Variants in AFF3 observed in about 807,000 individuals in gnomAD.
The protein encoded by AFF3 is AF4/FMR2 family member 3.
In AFF3, 32 loss-of-function variants were observed where a neutral mutation model predicts 129.7. The ratio of observed to expected loss-of-function variants is 0.25; its 90% CI spans 0.19 to 0.33. The LOEUF (loss-of-function observed/expected upper bound fraction) is 0.33. Among genes scored for constraint, AFF3 ranks in the 10% least tolerant of loss-of-function variants. The pLI, the probability that AFF3 is intolerant of heterozygous loss-of-function variation, is 1.00. For missense variants in AFF3, 1,373 were observed against 1,592.0 expected, an observed-to-expected ratio of 0.86 and a Z score of 2.34; for synonymous variants, 644 against 635.4, an observed-to-expected ratio of 1.01 and a Z score of -0.20.
intron 8 of AFF3, among the ~76,000 whole-genome samples, chr2:99,827,442 G>C (rs1047660440): frequency 2.0e-5 from 3 of 152,074 alleles, no homozygotes; most frequent in African/African-American, 4.8e-5. Flanking sequence ...GCCTGCCAGA[G>C]ATCACATGGG....
chr2:99,902,731 G>T (rs994903293), intron 7 of AFF3, among the ~76,000 whole-genome samples: 2 of 152,098 alleles, frequency 1.3e-5, no homozygotes, highest in African/African-American at 4.8e-5. Context: ...TAATTAAATT[G>T]ATTTTAACGA....
At chr2:100,010,865 C>T (rs1682463047) in intron 4 of AFF3, among the ~76,000 whole-genome samples, 1 of 152,122 alleles carries the variant, frequency 6.6e-6, no homozygotes, top group South Asian at 2.1e-4. Flanking sequence ...GGAGACTGCT[C>T]TGAGGATATA....
At chr2:99,633,619 A>T (rs1305869491) in intron 13 of AFF3, among the ~76,000 whole-genome samples, 1 of 152,012 alleles carries the variant, frequency 6.6e-6, no homozygotes, top group Non-Finnish European at 1.5e-5. Flanking sequence ...GCTGTGGTGG[A>T]TCCCTCATGA....
chr2:99,899,778 G>A (rs1694219808), intron 7 of AFF3, among the ~76,000 whole-genome samples: 1 of 152,214 alleles, frequency 6.6e-6, no homozygotes, highest in African/African-American at 2.4e-5. Context: ...GGGGCCACAA[G>A]TCAAGTCCTA....
intron 7 of AFF3, among the ~76,000 whole-genome samples, chr2:99,944,821 C>T (rs144987260): frequency 5.1e-4 from 78 of 152,174 alleles, no homozygotes; most frequent in Non-Finnish European, 1.3e-4. Context: ...TTTCTTTTTC[C>T]AGCAAAACAT....
intron 11 of AFF3, chr2:99,707,746 T>C (rs1677540913): frequency 2.7e-6 from 2 of 740,232 alleles, no homozygotes; most frequent in Non-Finnish European, 3.3e-6. Context: ...CTAAAGAGTC[T>C]GTGAAGCAGA....
chr2:100,129,573 T>C (rs1438005814), intron 1 of AFF3, among the ~76,000 whole-genome samples: 1 of 152,186 alleles, frequency 6.6e-6, no homozygotes, highest in African/African-American at 2.4e-5. Context: ...ACTATTGTGC[T>C]TCACAAAATG....
chr2:99,554,462 G>A lies in AFF3; in HGVS notation c.3408C>T (p.Leu1136=). ...PASSVGSQGS[L]SNASALSPST... ...ACGGGGACAGGGCGCTGGCGTTGGA[G>A]AGGCTGCCCTGAGACCCCACGGAGC... Residue 1136 remains leucine (L), a synonymous_variant, in exon 24 of 25, where the codon CTC becomes CTT. Transcript: ENST00000672756. 1.9e-6 allele frequency: 3 copies of A among 1,614,060 alleles called. No individual in the cohort carries two copies. The highest frequency in any genetic ancestry group is 2.5e-6 in the Non-Finnish European group (3 of 1,180,028).
chr2:99,573,287 ACT>A lies in AFF3; in HGVS notation c.2919-4374_2919-4373del, dbSNP rs1252970789. On this transcript the variant is annotated intron_variant, in intron 18 of 24. Transcript: ENST00000672756. ...TTCTCTCTCTCTCTCACTCACTCTT[ACT>A]CTCTCACTCTGTTTTGGTTAGAACA... 4.0e-5 allele frequency among the ~76,000 whole-genome samples: 6 copies of A among 151,330 alleles called. No individual in the cohort carries two copies. In the East Asian group the frequency reaches 1.2e-3, roughly 29 times the overall value.
At chr2:99,877,988 C>A (rs925684586) in intron 7 of AFF3, among the ~76,000 whole-genome samples, 4 of 152,162 alleles carry the variant, frequency 2.6e-5, no homozygotes, top group Non-Finnish European at 5.9e-5. Flanking sequence ...ATCACACCCT[C>A]AACACTGCTC....
At chr2:99,765,226 C>T (rs1682911220) in intron 8 of AFF3, among the ~76,000 whole-genome samples, 1 of 152,232 alleles carries the variant, frequency 6.6e-6, no homozygotes, top group East Asian at 1.9e-4. Flanking sequence ...ACAATCAAAC[C>T]ACTCTTTCAT....
chr2:99,557,095 T>C (rs923686798), intron 22 of AFF3, among the ~76,000 whole-genome samples: 2 of 152,196 alleles, frequency 1.3e-5, no homozygotes, highest in Admixed American at 6.5e-5. Flanking sequence ...TGTGAGGTGA[T>C]GGATATGTTA....
At chr2:99,783,826 C>T (rs1684585004) in intron 8 of AFF3, among the ~76,000 whole-genome samples, 1 of 152,198 alleles carries the variant, frequency 6.6e-6, no homozygotes, top group African/African-American at 2.4e-5. Context: ...TGACAGGGCC[C>T]CCCTGGAAAG....
intron 4 of AFF3, among the ~76,000 whole-genome samples, chr2:100,014,206 G>T (rs564236130): frequency 6.6e-6 from 1 of 151,890 alleles, no homozygotes; most frequent in South Asian, 2.1e-4. Flanking sequence ...TGTATCCCTT[G>T]ACTAGAATCA....
chr2:99,568,562 GA>G (rs1176903521), intron 19 of AFF3, among the ~76,000 whole-genome samples: 4 of 150,568 alleles, frequency 2.7e-5, no homozygotes, highest in Non-Finnish European at 5.9e-5. Context: ...CTTTTTAAAG[GA>G]AAAAAAAATA....
intron 7 of AFF3, among the ~76,000 whole-genome samples, chr2:99,875,291 C>T (rs1346499119): frequency 1.3e-5 from 2 of 152,150 alleles, no homozygotes; most frequent in African/African-American, 2.4e-5. Flanking sequence ...GACCACTCTC[C>T]AGGCTCTCCT....
intron 4 of AFF3, among the ~76,000 whole-genome samples, chr2:100,012,161 T>C (rs1327426356): frequency 6.6e-6 from 1 of 152,182 alleles, no homozygotes; most frequent in African/African-American, 2.4e-5. Context: ...TTCAGGGGCC[T>C]GCCATCATGC....
chr2:99,630,031 C>T (rs1682982077), intron 13 of AFF3, among the ~76,000 whole-genome samples: 1 of 152,200 alleles, frequency 6.6e-6, no homozygotes, highest in Non-Finnish European at 1.5e-5. Context: ...ACTATAGACC[C>T]CCTTCTGAGG....
chr2:99,690,756 G>T (rs1246163220), intron 11 of AFF3, among the ~76,000 whole-genome samples: 2 of 151,138 alleles, frequency 1.3e-5, no homozygotes, highest in African/African-American at 4.9e-5. Context: ...TTGGTTAAAA[G>T]TATACTAACC....
Sources: gnomAD v4.1 joint callset for allele counts (sites outside exome capture counted in the v4.1 genomes callset) on GRCh38, gnomAD v4.1.1 for gene constraint, MANE v1.5 for transcripts, NCBI Gene and HGNC (gene_info 2026-07-23, HGNC 2026-07-21) for gene names.